KIAA1755: variants seen among roughly 807,000 people sequenced by gnomAD.
The protein encoded by KIAA1755 is KIAA1755, also known as uncharacterized protein KIAA1755.
KIAA1755 carries 68 observed loss-of-function variants against 91.7 expected under a neutral mutation model. The ratio of observed to expected loss-of-function variants is 0.74; its 90% CI spans 0.61 to 0.91. The LOEUF is 0.91. Among genes scored for constraint, KIAA1755 ranks in the 40% least tolerant of loss-of-function variants. The probability of loss-of-function intolerance (pLI) is 0.00; values close to 1 mark genes in which losing one functional copy is unlikely to be tolerated. For synonymous variants in KIAA1755, 610 were observed against 604.6 expected (o/e 1.01, Z -0.13); for missense variants, 1,535 against 1,494.4 (o/e 1.03, Z -0.45).
chr20:38,247,054 A>T (rs1337313497), intron 1 of KIAA1755, among the ~76,000 whole-genome samples: 1 of 152,104 alleles, frequency 6.6e-6, no homozygotes, highest in Non-Finnish European at 1.5e-5. Flanking sequence ...TGGCAGTCAG[A>T]GTCCAGAAGA....
chr20:38,246,961 C>T (rs978652232), intron 1 of KIAA1755, among the ~76,000 whole-genome samples: 6 of 152,222 alleles, frequency 3.9e-5, no homozygotes, highest in East Asian at 1.9e-4. Context: ...CCAGGTGCTC[C>T]GCGCTGTCCC....
In KIAA1755 at chr20:38,213,655, C is replaced by T. The variant is rs747051689; in HGVS notation, c.2990G>A (p.Arg997His). 1.5e-4 allele frequency: 233 copies of T among 1,606,278 alleles called. No individual in the cohort carries two copies. The highest frequency in any genetic ancestry group is 1.8e-4 in the Non-Finnish European group (212 of 1,176,598). ...CAGTCGCTGCAGGTAGCGGTGGAGG[C>T]GGCGCTGGTCCCCAGGACTGACCCT... is the stretch of plus-strand genomic sequence containing the variant. The part of the protein sequence containing the change: ...TSRVSPGDQR[R>H]LHRYLQRLAS... Residue 997 changes from arginine to histidine, a missense_variant, in exon 14 of 14, where the codon CGC (arginine) becomes CAC (histidine). Coordinates refer to ENST00000279024, the MANE Select transcript of KIAA1755 (RefSeq NM_001029864.2).
intron 5 of KIAA1755, among the ~76,000 whole-genome samples, chr20:38,230,716 C>T (rs140239283): frequency 5.3e-5 from 8 of 152,210 alleles, no homozygotes; most frequent in East Asian, 3.9e-4. Flanking sequence ...TGGAAAAATG[C>T]GGTCTCTACT....
Position 38,260,631 on chromosome 20 carries a change from G to T in KIAA1755, c.-131C>A. On this transcript the variant is annotated 5_prime_UTR_variant, in exon 1 of 14. Coordinates refer to ENST00000279024, the MANE Select transcript of KIAA1755 (RefSeq NM_001029864.2). ...TGGAGCCAGGGGATAGGGCAGGCCC[G>T]GGGCACCGACCCCGGCGTCATCTCG... The T allele has an allele frequency of 8.7e-7, 1 of 1,149,320 alleles. No homozygotes were observed. The highest frequency in any genetic ancestry group is 1.1e-6 in the Non-Finnish European group (1 of 875,078). The allele number at this position is 1,149,320 out of a possible 1,614,324, so 71.2% of individuals were successfully genotyped here.
intron 13 of KIAA1755, among the ~76,000 whole-genome samples, chr20:38,216,478 T>A (rs1218731960): frequency 6.6e-6 from 1 of 152,204 alleles, no homozygotes; most frequent in Non-Finnish European, 1.5e-5. Context: ...TCATGCTTTG[T>A]CCTTGGTGAC....
Position 38,240,672 on chromosome 20 carries a change from C to T in KIAA1755, c.1459G>A (p.Glu487Lys). Residue 487 changes from glutamate (E) to lysine (K), a missense_variant, in exon 3 of 14, where the codon GAG (glutamate) becomes AAG (lysine). Transcript: ENST00000279024. ...RGQRQPSVTP[E>K]KASLQHNGPW... ...CCATTGTGCTGGAGTGAGGCTTTCT[C>T]CGGGGTCACAGAGGGTTGCCTCTGC... 2 of 1,546,166 alleles carry T rather than the reference C, an allele frequency of 1.3e-6. No individual in the cohort carries two copies. Among genetic ancestry groups the T allele is most frequent in the East Asian group, 4.5e-5 (2 of 44,352 alleles).
rs922140339 is a variant in KIAA1755 at position 38,234,886 on chromosome 20, G to A, written c.1748-3561C>T. On this transcript the variant is annotated intron_variant, in intron 4 of 13. Transcript: ENST00000279024. ...ATGTTATCCTCACCTACCAGCTGGC[G>A]CCAGAAATACCATCATTAGCATCTC... Among the ~76,000 whole-genome samples the A allele has an allele frequency of 1.6e-4, 25 of 152,258 alleles. 1 individual carries two copies. The highest frequency in any genetic ancestry group is 5.3e-4 in the African/African-American group (22 of 41,528).
At position 38,240,777 on chromosome 20, in the gene KIAA1755, T is replaced by C; in HGVS notation, c.1354A>G (p.Lys452Glu). The C allele has an allele frequency of 6.2e-7, 1 of 1,605,034 alleles. No homozygotes were observed. The highest frequency in any genetic ancestry group is 8.5e-7 in the Non-Finnish European group (1 of 1,175,282). The change falls in exon 3 of 14, where the codon AAG (lysine) becomes GAG (glutamate). Residue 452 changes from lysine to glutamate, a missense_variant. By Grantham distance (56) the Lys-to-Glu change is moderately conservative. Coordinates refer to ENST00000279024, the MANE Select transcript of KIAA1755 (RefSeq NM_001029864.2). ...TTTCTGCTAGGGCAGGGCATGGGCT[T>C]GGGAAGTCTCCCATTTCTCTCTTTG... ...KTKERNGRLP[K>E]PMPCPSRNTS...
In KIAA1755 at chr20:38,219,615, A is replaced by G. The variant is rs937441972; in HGVS notation, c.2556+15T>C. Reference sequence around the variant, plus strand: ...AGGCAGAACCCCCACACCCCAAGCCAGACACCCCTTTCACCTGGTGAATGG... The same window carrying G: ...AGGCAGAACCCCCACACCCCAAGCCGGACACCCCTTTCACCTGGTGAATGG... On this transcript the variant is annotated intron_variant, in intron 11 of 13. Coordinates refer to ENST00000279024, the MANE Select transcript of KIAA1755 (RefSeq NM_001029864.2). The G allele has an allele frequency of 2.5e-6, 4 of 1,613,762 alleles. No individual in the cohort carries two copies. The highest frequency in any genetic ancestry group is 3.3e-5 in the Admixed American group (2 of 60,014).
chr20:38,212,868 T>A lies in KIAA1755; in HGVS notation c.*174A>T. 1 of 540,616 alleles carries A rather than the reference T, an allele frequency of 1.8e-6. No homozygotes were observed. Among genetic ancestry groups the A allele is most frequent in the Non-Finnish European group, 3.2e-6 (1 of 311,982 alleles). 33.5% of individuals were successfully genotyped at this position (540,616 alleles called of 1,614,324 possible). On this transcript the variant is annotated 3_prime_UTR_variant, in exon 14 of 14. Coordinates refer to ENST00000279024, the MANE Select transcript of KIAA1755 (RefSeq NM_001029864.2). Reference sequence around the variant, plus strand: ...GGGTGAAGATCGGGTCTTCCAGGAGTTTTCTGGAGCCAGGGGCAGGTCGAC... The same window carrying A: ...GGGTGAAGATCGGGTCTTCCAGGAGATTTCTGGAGCCAGGGGCAGGTCGAC...
chr20:38,254,378 G>A (rs879571190), intron 1 of KIAA1755, among the ~76,000 whole-genome samples: 1 of 152,040 alleles, frequency 6.6e-6, no homozygotes, highest in East Asian at 1.9e-4. Flanking sequence ...GGGAGGGTGA[G>A]ATTATGCCCC....
chr20:38,246,135 G>C lies in KIAA1755; in HGVS notation c.4-9C>G, dbSNP rs141179017. On this transcript the variant is annotated splice_polypyrimidine_tract_variant and intron_variant, in intron 1 of 13. Transcript: ENST00000279024. ...TCGAGGGATGGAGGGTCCTGTGGGG[G>C]ACAGGAGGAGGGGGTGATAATAGCA... The C allele has an allele frequency of 5.1e-4, 829 of 1,610,034 alleles. 4 individuals are homozygous for C. The African/African-American group carries it at 9.6e-3, about 19-fold the overall frequency.
intron 5 of KIAA1755, among the ~76,000 whole-genome samples, chr20:38,229,875 A>T (rs1459604216): frequency 6.6e-6 from 1 of 151,980 alleles, no homozygotes; most frequent in Non-Finnish European, 1.5e-5. Context: ...CCACAGAAAA[A>T]GGGGGTCCCA....
chr20:38,223,759 A>G (rs943016552), intron 8 of KIAA1755, 123 bp from the exon 9 acceptor site: 1 of 668,944 alleles, frequency 1.5e-6, no homozygotes, highest in African/African-American at 1.9e-5. Context: ...GTGCATCAGA[A>G]GCATCTGGAG....
intron 5 of KIAA1755, among the ~76,000 whole-genome samples, chr20:38,229,067 G>T (rs2075814174): frequency 6.6e-6 from 1 of 152,160 alleles, no homozygotes; most frequent in Non-Finnish European, 1.5e-5. Flanking sequence ...AATCTGTGTG[G>T]TTCCAAGCAC....
intron 2 of KIAA1755, among the ~76,000 whole-genome samples, chr20:38,242,998 C>A (rs1054794603): frequency 2.6e-5 from 4 of 152,162 alleles, no homozygotes; most frequent in African/African-American, 9.7e-5. Flanking sequence ...CCCAAGTGAT[C>A]CCTCTCAGTT....
intron 13 of KIAA1755, 72 bp downstream of exon 13, chr20:38,217,181 G>T (rs2075560245): frequency 3.7e-6 from 5 of 1,346,680 alleles, no homozygotes; most frequent in South Asian, 1.3e-5. Context: ...CTGTGTCTAG[G>T]TATCCCTGTC....
chr20:38,242,268 G>A (rs1441718483), intron 2 of KIAA1755, among the ~76,000 whole-genome samples: 2 of 152,160 alleles, frequency 1.3e-5, no homozygotes, highest in Non-Finnish European at 2.9e-5. Flanking sequence ...CCCAATTCAA[G>A]TCTTAGCCCT....
chr20:38,252,198 G>T (rs980520671), intron 1 of KIAA1755, among the ~76,000 whole-genome samples: 1 of 152,118 alleles, frequency 6.6e-6, no homozygotes, highest in African/African-American at 2.4e-5. Context: ...GGATGTACAG[G>T]GTCTTGGGGA....
Sources: allele counts gnomAD v4.1 joint callset (sites outside exome capture counted in the v4.1 genomes callset), GRCh38; gene constraint gnomAD v4.1.1; transcripts MANE v1.5; gene names NCBI Gene and HGNC (gene_info 2026-07-23, HGNC 2026-07-21).